KANK4: variants seen among roughly 807,000 people sequenced by gnomAD.
The protein encoded by KANK4 is KN motif and ankyrin repeat domains 4.
Under a neutral mutation model 80.8 loss-of-function variants are expected in KANK4, and 50 were observed. That is an observed-to-expected ratio of 0.62 (90% confidence interval 0.49 to 0.78). The LOEUF (loss-of-function observed/expected upper bound fraction) is 0.78. Among genes scored for constraint, KANK4 ranks in the 30% least tolerant of loss-of-function variants. The probability of loss-of-function intolerance (pLI) is 0.00; values close to 1 mark genes in which losing one functional copy is unlikely to be tolerated. For missense variants in KANK4, 1,196 were observed against 1,240.1 expected (o/e 0.96, Z 0.53); for synonymous variants, 465 against 506.9 (o/e 0.92, Z 1.11).
Position 62,274,260 on chromosome 1 carries a change from G to C in KANK4, c.844C>G (p.Pro282Ala). ...GGCAGAGGTGGCGGGCTTGGCGTAG[G>C]GGAGCCAGGGGTGAACAACACCTCT... ...EAEVLFTPGS[P>A]TPSPPPLPSP... The change falls in exon 3 of 10, where the codon CCT (proline) becomes GCT (alanine). Residue 282 changes from proline (P) to alanine (A), a missense_variant. Coordinates refer to ENST00000371153, the MANE Select transcript of KANK4 (RefSeq NM_181712.5). 1 of 1,614,026 alleles carries C rather than the reference G, an allele frequency of 6.2e-7. No individual in the cohort carries two copies. Among genetic ancestry groups the C allele is most frequent in the Non-Finnish European group, 8.5e-7 (1 of 1,179,956 alleles).
chr1:62,280,225 G>A (rs1351200136), intron 2 of KANK4, among the ~76,000 whole-genome samples: 3 of 152,154 alleles, frequency 2.0e-5, no homozygotes, highest in Non-Finnish European at 4.4e-5. Flanking sequence ...AGACAGGGAG[G>A]GAAGCCTTCC....
At chr1:62,254,846 C>T (rs1369508392) in intron 7 of KANK4, among the ~76,000 whole-genome samples, 3 of 146,846 alleles carry the variant, frequency 2.0e-5, no homozygotes, top group Non-Finnish European at 4.5e-5. Context: ...GGGATTATTA[C>T]AGGCATGAGC....
chr1:62,245,175 T>C (rs1671436996), intron 9 of KANK4, among the ~76,000 whole-genome samples: 1 of 152,154 alleles, frequency 6.6e-6, no homozygotes, highest in Non-Finnish European at 1.5e-5. Context: ...GCTGCCTCCT[T>C]CTCCCCCAGG....
chr1:62,268,523 G>C lies in KANK4; in HGVS notation c.2013-18C>G, dbSNP rs1672083551. ...TCTCATACCTGGGGTAGAAAACAAA[G>C]GTCACTCGTCCTGTCTTTCCTGCCC... On this transcript the variant is annotated intron_variant, in intron 4 of 9. Coordinates refer to ENST00000371153, the MANE Select transcript of KANK4 (RefSeq NM_181712.5). 1.2e-6 allele frequency: 2 copies of C among 1,604,968 alleles called. No homozygotes were observed. The highest frequency in any genetic ancestry group is 3.3e-5 in the Admixed American group (2 of 59,966).
chr1:62,273,700 T>C lies in KANK4; in HGVS notation c.1404A>G (p.Pro468=). The part of the protein sequence containing the change: ...PDGHKQGNQS[P]AERVLLPQLS... Reference sequence around the variant, plus strand: ...GCTGGGGCAGAAGCACACGTTCTGCTGGGCTCTGATTCCCTTGTTTATGAC... The same window carrying C: ...GCTGGGGCAGAAGCACACGTTCTGCCGGGCTCTGATTCCCTTGTTTATGAC... The change falls in exon 3 of 10, where the codon CCA becomes CCG. Residue 468 remains proline, a synonymous_variant. Transcript: ENST00000371153. 1.2e-6 allele frequency: 2 copies of C among 1,614,174 alleles called. No homozygotes were observed. Among genetic ancestry groups the C allele is most frequent in the Non-Finnish European group, 1.7e-6 (2 of 1,180,026 alleles).
intron 9 of KANK4, among the ~76,000 whole-genome samples, chr1:62,238,818 C>T (rs774252038): frequency 6.6e-5 from 10 of 151,960 alleles, no homozygotes; most frequent in African/African-American, 1.9e-4. Flanking sequence ...TTTGTAGAGA[C>T]GGGGTGTCAC....
intron 1 of KANK4, among the ~76,000 whole-genome samples, chr1:62,315,906 T>C (rs1439452393): frequency 6.6e-6 from 1 of 152,220 alleles, no homozygotes; most frequent in Non-Finnish European, 1.5e-5. Context: ...ACATACTCCA[T>C]GGCCCTGTCT....
Position 62,237,046 on chromosome 1 carries a change from T to C in KANK4, c.*1231A>G, listed in dbSNP as rs894343253. ...CACAGGGGCACCCAGCAAATTGGCA[T>C]CTGAGCCAAAATGAGAGTGCAAGCT... On this transcript the variant is annotated 3_prime_UTR_variant, in exon 10 of 10. Transcript: ENST00000371153. The C allele has an allele frequency of 2.6e-5, 4 of 151,824 alleles. No individual in the cohort carries two copies. The South Asian group carries it at 6.2e-4, about 24-fold the overall frequency. The allele number at this position is 151,824 out of a possible 1,614,324, so 9.4% of individuals were successfully genotyped here.
chr1:62,306,864 TTC>T (rs1246955916), intron 1 of KANK4, among the ~76,000 whole-genome samples: 1 of 152,202 alleles, frequency 6.6e-6, no homozygotes, highest in Non-Finnish European at 1.5e-5. Flanking sequence ...TTCCTAAAAA[TTC>T]TCTTTGTATT....
At chr1:62,275,891 AGGAAGGGGAAGG>A (rs140584149) in intron 2 of KANK4, among the ~76,000 whole-genome samples, 6 of 106,434 alleles carry the variant, frequency 5.6e-5, no homozygotes, top group Admixed American at 2.8e-4. Context: ...GGAGGAAGGA[AGGAAGGGGAAGG>A]GGAAGGGGAA....
At position 62,273,695 on chromosome 1, in the gene KANK4, T is replaced by C. The variant is rs145079518; in HGVS notation, c.1409A>G (p.Glu470Gly). The C allele has an allele frequency of 3.1e-6, 5 of 1,614,118 alleles. No homozygotes were observed. The highest frequency in any genetic ancestry group is 4.2e-6 in the Non-Finnish European group (5 of 1,180,016). Residue 470 changes from glutamate (E) to glycine (G), a missense_variant, in exon 3 of 10, where the codon GAA becomes GGA. Physicochemically the swap from Glu to Gly is moderately conservative, Grantham distance 98. This residue lies in a region of KANK4 where 1,154 missense variants were observed against 1,179.6 expected (regional missense o/e 0.98). Transcript: ENST00000371153. ...TGACAGCTGGGGCAGAAGCACACGT[T>C]CTGCTGGGCTCTGATTCCCTTGTTT... ...GHKQGNQSPAERVLLPQLSLP... is the reference protein window; with the variant it reads ...GHKQGNQSPAGRVLLPQLSLP...
chr1:62,245,542 A>C (rs1467225745), intron 9 of KANK4, among the ~76,000 whole-genome samples: 3 of 152,196 alleles, frequency 2.0e-5, no homozygotes, highest in Admixed American at 2.0e-4. Context: ...GGCTGTTAAG[A>C]AAGCATAAAG....
intron 1 of KANK4, among the ~76,000 whole-genome samples, chr1:62,314,474 CG>C (rs1216693098): frequency 2.0e-5 from 3 of 152,106 alleles, no homozygotes; most frequent in African/African-American, 7.2e-5. Context: ...TCGATGGCAC[CG>C]AGAGCTGGCG....
chr1:62,244,974 A>G (rs1315676641), intron 9 of KANK4, among the ~76,000 whole-genome samples: 1 of 152,222 alleles, frequency 6.6e-6, no homozygotes, highest in Non-Finnish European at 1.5e-5. Context: ...TACCTGTGAC[A>G]GACCTCCAGA....
chr1:62,276,777 C>CAAAAAAAAAAAAAA (rs61573295), intron 2 of KANK4, among the ~76,000 whole-genome samples: 6 of 138,994 alleles, frequency 4.3e-5, no homozygotes, highest in African/African-American at 8.3e-5. Flanking sequence ...AACTCCATCT[C>CAAAAAAAAAAAAAA]AAAAATAAGA....
intron 2 of KANK4, among the ~76,000 whole-genome samples, chr1:62,281,199 AAC>A (rs1672444023): frequency 6.6e-6 from 1 of 152,246 alleles, no homozygotes; most frequent in Non-Finnish European, 1.5e-5. Flanking sequence ...TGGCCCTGCT[AAC>A]ACACAGAATC....
At chr1:62,299,216 C>G (rs1233226525) in intron 1 of KANK4, among the ~76,000 whole-genome samples, 2 of 152,042 alleles carry the variant, frequency 1.3e-5, no homozygotes, top group Non-Finnish European at 2.9e-5. Context: ...TGCCATGATG[C>G]CTGGCTAATT....
rs770565814 is a variant in KANK4, at chr1:62,271,560, T to C, written c.1930A>G (p.Ile644Val). Residue 644 changes from isoleucine (I) to valine (V), a missense_variant, in exon 4 of 10, where the codon ATA (isoleucine) becomes GTA (valine). By Grantham distance (29) the Ile-to-Val change is conservative. Transcript: ENST00000371153. ...EISPSTSLKSIMKKKDYGFRA... is the reference protein window; with the variant it reads ...EISPSTSLKSVMKKKDYGFRA... ...AAGCCATAGTCTTTCTTTTTCATTA[T>C]GGATTTAAGGCTGGTCGATGGGGAG... 9.3e-6 allele frequency: 15 copies of C among 1,613,990 alleles called. No homozygotes were observed. Among genetic ancestry groups the C allele is most frequent in the Non-Finnish European group, 1.1e-5 (13 of 1,179,866 alleles).
At chr1:62,279,844 GA>G (rs1672414568) in intron 2 of KANK4, among the ~76,000 whole-genome samples, 1 of 152,092 alleles carries the variant, frequency 6.6e-6, no homozygotes, top group African/African-American at 2.4e-5. Context: ...CTGGGGAGAA[GA>G]AAAAAGAAAG....
Sources: gnomAD v4.1 joint callset for allele counts (sites outside exome capture counted in the v4.1 genomes callset) on GRCh38, gnomAD v4.1.1 for gene constraint, gnomAD v4.1.1 regional missense constraint, MANE v1.5 for transcripts, NCBI Gene and HGNC (gene_info 2026-07-23, HGNC 2026-07-21) for gene names.